LIFR: variants seen among roughly 807,000 people sequenced by gnomAD.
LIFR encodes the protein leukemia inhibitory factor receptor.
In LIFR, 84 loss-of-function variants were observed where a neutral mutation model predicts 122.2. The ratio of observed to expected loss-of-function variants is 0.69; its 90% CI spans 0.58 to 0.82. LIFR has a LOEUF of 0.82. Ranked by LOEUF, LIFR falls within the 40% of genes least tolerant of loss-of-function variation. The probability of loss-of-function intolerance (pLI) is 0.00; values close to 1 mark genes in which losing one functional copy is unlikely to be tolerated. For missense variants in LIFR, 1,294 were observed against 1,311.6 expected, an observed-to-expected ratio of 0.99 and a Z score of 0.21; for synonymous variants, 422 against 434.7, an observed-to-expected ratio of 0.97 and a Z score of 0.36.
chr5:38,508,859 C>T (rs1360425467), intron 7 of LIFR, among the ~76,000 whole-genome samples: 2 of 152,198 alleles, frequency 1.3e-5, no homozygotes, highest in East Asian at 3.8e-4. Context: ...GCTGGGATTA[C>T]AGGCGTAAGC....
chr5:38,563,940 G>A (rs1470428436), intron 1 of LIFR, among the ~76,000 whole-genome samples: 2 of 152,136 alleles, frequency 1.3e-5, no homozygotes, highest in Admixed American at 1.3e-4. Flanking sequence ...CCGTAGTGCC[G>A]CTGTGAGTGA....
At chr5:38,488,381 G>T (rs1229182911) in intron 16 of LIFR, among the ~76,000 whole-genome samples, 2 of 152,180 alleles carry the variant, frequency 1.3e-5, no homozygotes, top group Non-Finnish European at 2.9e-5. Flanking sequence ...ATTTCTTTCT[G>T]AGGCGAGGTC....
intron 1 of LIFR, among the ~76,000 whole-genome samples, chr5:38,587,756 G>C (rs1458969777): frequency 6.6e-6 from 1 of 152,206 alleles, no homozygotes; most frequent in Admixed American, 6.5e-5. Flanking sequence ...AACCCAGCGG[G>C]CTAGATTCCC....
intron 2 of LIFR, among the ~76,000 whole-genome samples, chr5:38,600,814 C>G (rs1018462712): frequency 1.1e-4 from 17 of 152,154 alleles, no homozygotes; most frequent in African/African-American, 3.6e-4. Context: ...ATGACTCAAG[C>G]CCTGATGTCT....
Position 38,504,012 on chromosome 5 carries a change from T to C in LIFR, c.1401A>G (p.Glu467=). ...CTGAATTAGATTTCTTAATTTCAAT[T>C]TCACATAAAAAATTAATCTTTGCAA... is the stretch of plus-strand genomic sequence containing the variant. The part of the protein sequence containing the change: ...GNFAKINFLC[E]IEIKKSNSVQ... Residue 467 remains glutamate (E), a synonymous_variant, in exon 10 of 20, where the codon GAA becomes GAG. Transcript: ENST00000453190. 6.3e-7 allele frequency: 1 copy of C among 1,586,540 alleles called. No individual in the cohort carries two copies. The highest frequency in any genetic ancestry group is 1.3e-5 in the African/African-American group (1 of 74,458).
chr5:38,551,336 A>C (rs1474647878), intron 1 of LIFR, among the ~76,000 whole-genome samples: 2 of 152,184 alleles, frequency 1.3e-5, no homozygotes, highest in East Asian at 3.8e-4. Context: ...TGCAGCCTAA[A>C]GTCCTGGTGG....
At chr5:38,536,679 G>A (rs1174857000) in intron 1 of LIFR, among the ~76,000 whole-genome samples, 16 of 152,198 alleles carry the variant, frequency 1.1e-4, no homozygotes, top group Admixed American at 9.2e-4. Flanking sequence ...AAAGAGAACT[G>A]TTAGGTAATT....
chr5:38,583,899 G>T (rs1185863190), intron 1 of LIFR, among the ~76,000 whole-genome samples: 2 of 152,056 alleles, frequency 1.3e-5, no homozygotes, highest in African/African-American at 4.8e-5. Flanking sequence ...CTTTATAAGG[G>T]GTTTCCCTTT....
intron 1 of LIFR, among the ~76,000 whole-genome samples, chr5:38,539,594 T>A (rs2112604327): frequency 6.6e-6 from 1 of 152,304 alleles, no homozygotes; most frequent in Admixed American, 6.5e-5. Context: ...ACAAACTTTA[T>A]GCTTTTCAAT....
chr5:38,510,870 C>A, intron 6 of LIFR, 152 bp from the exon 7 acceptor site: 1 of 663,016 alleles, frequency 1.5e-6, no homozygotes, highest in Non-Finnish European at 2.5e-6. Flanking sequence ...TGATAATGGT[C>A]CAAAGATAAG....
chr5:38,482,774 C>A (rs549797286), intron 18 of LIFR, 107 bp from the exon 19 acceptor site: 3 of 513,664 alleles, frequency 5.8e-6, no homozygotes, highest in Non-Finnish European at 1.0e-5. Context: ...TCCTTTAATG[C>A]ACATCTGAGA....
chr5:38,491,197 G>C (rs1744572508), intron 14 of LIFR, among the ~76,000 whole-genome samples: 1 of 152,196 alleles, frequency 6.6e-6, no homozygotes, highest in African/African-American at 2.4e-5. Context: ...ACAGGACATA[G>C]AGGTACTTCC....
intron 9 of LIFR, among the ~76,000 whole-genome samples, chr5:38,505,438 ACACACAC>A (rs1180462759): frequency 1.3e-5 from 2 of 149,070 alleles, no homozygotes; most frequent in Non-Finnish European, 3.0e-5. Context: ...ACACACACAC[ACACACAC>A]GAGTACAAAT....
chr5:38,484,857 T>C lies in LIFR; in HGVS notation c.2509A>G (p.Ile837Val). The change falls in exon 18 of 20, where the codon ATT (isoleucine) becomes GTT (valine). Residue 837 changes from isoleucine (I) to valine (V), a missense_variant. Transcript: ENST00000453190. ...VVTKENSVGL[I>V]IAILIPVAVA... ...GCCACTGGGATGAGAATGGCAATAA[T>C]TAATCCCACAGCTGAAACGAGAGTA... 1 of 1,611,604 alleles carries C rather than the reference T, an allele frequency of 6.2e-7. No homozygotes were observed. The highest frequency in any genetic ancestry group is 8.5e-7 in the Non-Finnish European group (1 of 1,177,858).
chr5:38,535,209 C>G (rs576055818), intron 1 of LIFR, among the ~76,000 whole-genome samples: 2 of 152,204 alleles, frequency 1.3e-5, no homozygotes, highest in South Asian at 4.1e-4. Flanking sequence ...CATTCCACAG[C>G]TGCCAGACCC....
chr5:38,502,053 A>G (rs1048573371), intron 11 of LIFR, among the ~76,000 whole-genome samples: 1 of 151,738 alleles, frequency 6.6e-6, no homozygotes, highest in Non-Finnish European at 1.5e-5. Context: ...AGAATGGGAG[A>G]AAAATCATTC....
chr5:38,576,207 C>G (rs1285092839), intron 1 of LIFR, among the ~76,000 whole-genome samples: 1 of 152,174 alleles, frequency 6.6e-6, no homozygotes, highest in Non-Finnish European at 1.5e-5. Context: ...TGGTCTAAGT[C>G]ACTATCATCT....
chr5:38,606,105 C>A (rs12054730), intron 2 of LIFR: 2 of 152,144 alleles, frequency 1.3e-5, no homozygotes, highest in Non-Finnish European at 2.9e-5. Context: ...TGGGGCAGAT[C>A]TAGAATAAGA....
intron 1 of LIFR, among the ~76,000 whole-genome samples, chr5:38,534,950 G>C (rs951577673): frequency 2.6e-5 from 4 of 152,154 alleles, no homozygotes; most frequent in African/African-American, 9.7e-5. Flanking sequence ...TTTCACACTT[G>C]AATTCTATAC....
Sources: allele counts gnomAD v4.1 joint callset (sites outside exome capture counted in the v4.1 genomes callset), GRCh38; gene constraint gnomAD v4.1.1; transcripts MANE v1.5; gene names NCBI Gene and HGNC (gene_info 2026-07-23, HGNC 2026-07-21).